The following DIP2C variants were observed in gnomAD, a reference collection of about 807,000 sequenced individuals.
DIP2C encodes disco-interacting protein 2 homolog C.
Under a neutral mutation model 192.4 loss-of-function variants are expected in DIP2C, and 33 were observed. The ratio of observed to expected loss-of-function variants is 0.17; its 90% confidence interval spans 0.13 to 0.23. The LOEUF is 0.23. Among genes scored for constraint, DIP2C ranks in the 10% least tolerant of loss-of-function variants. DIP2C has a pLI of 1.00. For synonymous variants in DIP2C, 979 were observed against 864.1 expected (o/e 1.13, Z -2.33); for missense variants, 1,537 against 2,110.1 (o/e 0.73, Z 5.32).
rs947740554 is a variant in DIP2C, at chr10:345,527, G to C, written c.3232-417C>G. ...GGAAACCCCACAAACACCCATCCCA[G>C]ACACACCGCGCATAGTTCTCCCGGA... On this transcript the variant is annotated intron_variant, in intron 26 of 36. Transcript: ENST00000280886. 8.5e-4 allele frequency among the ~76,000 whole-genome samples: 54 copies of C among 63,242 alleles called. 1 individual carries two copies. The highest frequency in any genetic ancestry group is 1.6e-3 in the Non-Finnish European group (48 of 29,932). The allele number at this position is 63,242 out of a possible 152,430, so 41.5% of individuals were successfully genotyped here.
At chr10:346,655 T>C (rs1418263486) in intron 26 of DIP2C, among the ~76,000 whole-genome samples, 271 of 57,798 alleles carry the variant, frequency 4.7e-3, no homozygotes, top group Non-Finnish European at 5.5e-3. Context: ...CCCAGACATA[T>C]CGCGTATAGT....
chr10:325,047 T>C (rs6560824), intron 31 of DIP2C: 23,599 of 485,494 alleles, frequency 0.049, 1,704 homozygotes, highest in African/African-American at 0.23. Flanking sequence ...AGGCGGATCA[T>C]GAGGTCAGGA....
intron 1 of DIP2C, among the ~76,000 whole-genome samples, chr10:609,311 G>A (rs1005251536): frequency 1.3e-5 from 2 of 152,202 alleles, no homozygotes; most frequent in East Asian, 3.8e-4. Context: ...GAAATTGGTT[G>A]AAGGCTGTTC....
At chr10:334,632 T>A (rs1330457810) in intron 29 of DIP2C, among the ~76,000 whole-genome samples, 1 of 152,244 alleles carries the variant, frequency 6.6e-6, no homozygotes, top group African/African-American at 2.4e-5. Context: ...AGGTTTAATC[T>A]TTTTTCCTTT....
At chr10:658,985 CACAT>C (rs908461436) in intron 1 of DIP2C, among the ~76,000 whole-genome samples, 1 of 152,096 alleles carries the variant, frequency 6.6e-6, no homozygotes, top group African/African-American at 2.4e-5. Flanking sequence ...TGCGCACACA[CACAT>C]ACATGCAATA....
chr10:537,236 A>G, intron 1 of DIP2C, among the ~76,000 whole-genome samples: 1 of 152,068 alleles, frequency 6.6e-6, no homozygotes. Context: ...AGGCCGTATG[A>G]AGGAGGCAGT....
At position 636,633 on chromosome 10, in the gene DIP2C, T is replaced by C. The variant is rs762185583; in HGVS notation, c.85+52861A>G. On this transcript the variant is annotated intron_variant, in intron 1 of 36. Coordinates refer to ENST00000280886, the MANE Select transcript of DIP2C (RefSeq NM_014974.3). This position sits in a 1 kb window ranked among gnomAD's most constrained non-coding sequence, Gnocchi z 4.6. The stretch of plus-strand genomic sequence containing the variant: ...TAAGCACAATTCTCCCGAAAACGTC[T>C]TTTCTATCTGGGCCACACACTGCGC... 3.3e-5 allele frequency among the ~76,000 whole-genome samples: 5 copies of C among 152,212 alleles called. No individual in the cohort carries two copies. The highest frequency in any genetic ancestry group is 1.3e-4 in the Admixed American group (2 of 15,288).
chr10:466,022 G>C (rs575622446), intron 3 of DIP2C, among the ~76,000 whole-genome samples: 2 of 151,900 alleles, frequency 1.3e-5, no homozygotes, highest in African/African-American at 2.4e-5. Flanking sequence ...TTTCTTCACA[G>C]AATTGGAAAA....
chr10:533,088 A>T (rs749839352), intron 1 of DIP2C, among the ~76,000 whole-genome samples: 4 of 152,136 alleles, frequency 2.6e-5, no homozygotes, highest in Non-Finnish European at 4.4e-5. Flanking sequence ...ATCCCAGCAC[A>T]CTCTCACAGC....
In DIP2C at chr10:508,835, G is replaced by T. The variant is rs531522957; in HGVS notation, c.86-22305C>A. 5.9e-5 allele frequency among the ~76,000 whole-genome samples: 9 copies of T among 152,274 alleles called. No homozygotes were observed. The South Asian group carries it at 1.0e-3, about 18-fold the overall frequency. ...TGGGAAGTTGTGTACTACTGATCAG[G>T]GCTGCATGACCCAAAAAAGGCATCA... is the stretch of plus-strand genomic sequence containing the variant. On this transcript the variant is annotated intron_variant, in intron 1 of 36. Coordinates refer to ENST00000280886, the MANE Select transcript of DIP2C (RefSeq NM_014974.3).
chr10:676,126 C>T (rs578218223), intron 1 of DIP2C, among the ~76,000 whole-genome samples: 1 of 152,152 alleles, frequency 6.6e-6, no homozygotes, highest in East Asian at 1.9e-4. Context: ...CCAATAAACA[C>T]GCTACATCAC....
In DIP2C at chr10:364,480, C is replaced by T. The variant is rs1329978252; in HGVS notation, c.2371G>A (p.Gly791Ser). 6.2e-7 allele frequency: 1 copy of T among 1,614,190 alleles called. No individual in the cohort carries two copies. ...VGPGGLVFVV[G>S]KMDGLMVVSG... ...ACCACCATGAGGCCATCCATCTTGCCCACCACGAAGACGAGGCCTCCGGGA... is the reference window on the plus strand; with the variant it reads ...ACCACCATGAGGCCATCCATCTTGCTCACCACGAAGACGAGGCCTCCGGGA... The change falls in exon 20 of 37, where the codon GGC (glycine) becomes AGC (serine). Residue 791 changes from glycine (G) to serine (S), a missense_variant. Gly to Ser is a moderately conservative substitution (Grantham distance 56). This residue lies in a region of DIP2C where 677 missense variants were observed against 989.9 expected (regional missense o/e 0.68). Coordinates refer to ENST00000280886, the MANE Select transcript of DIP2C (RefSeq NM_014974.3).
At chr10:351,886 G>A (rs1260266066) in intron 24 of DIP2C, among the ~76,000 whole-genome samples, 2 of 152,326 alleles carry the variant, frequency 1.3e-5, no homozygotes, top group African/African-American at 2.4e-5. Context: ...CGGCCAGGCT[G>A]GGTGCTGATG....
intron 3 of DIP2C, among the ~76,000 whole-genome samples, chr10:467,775 G>A (rs1970340884): frequency 6.6e-6 from 1 of 151,992 alleles, no homozygotes; most frequent in Non-Finnish European, 1.5e-5. Flanking sequence ...GACACAGGGA[G>A]GGGAACATCA....
chr10:358,252 T>C (rs1232162166), intron 22 of DIP2C, among the ~76,000 whole-genome samples: 1 of 151,550 alleles, frequency 6.6e-6, no homozygotes, highest in Non-Finnish European at 1.5e-5. Context: ...TTGTAAAAAA[T>C]AAAACGGAAG....
At position 382,479 on chromosome 10, in the gene DIP2C, A is replaced by C. The variant is rs1363699517; in HGVS notation, c.1991+168T>G. The C allele has an allele frequency of 5.1e-6, 3 of 588,426 alleles. No individual in the cohort carries two copies. The African/African-American group carries it at 5.6e-5, about 11-fold the overall frequency. The allele number at this position is 588,426 out of a possible 1,614,324, so 36.5% of individuals were successfully genotyped here. A position where few individuals can be genotyped will look rare whatever the true frequency, so the allele number is the denominator to read the frequency against. The stretch of plus-strand genomic sequence containing the variant: ...TTTAATGAATGAATCTAGGCTGTTC[A>C]AAAGAATCTGTTCCAGCACATAAAA... On this transcript the variant is annotated intron_variant, in intron 17 of 36. Coordinates refer to ENST00000280886, the MANE Select transcript of DIP2C (RefSeq NM_014974.3).
chr10:547,593 C>T (rs1430235470), intron 1 of DIP2C, among the ~76,000 whole-genome samples: 1 of 152,130 alleles, frequency 6.6e-6, no homozygotes, highest in Non-Finnish European at 1.5e-5. Flanking sequence ...CAGTCTCTGT[C>T]ATGAGCTTTA....
chr10:647,897 G>A (rs1217843948), intron 1 of DIP2C, among the ~76,000 whole-genome samples: 1 of 151,246 alleles, frequency 6.6e-6, no homozygotes, highest in Non-Finnish European at 1.5e-5. Flanking sequence ...ACATTGGATG[G>A]TGGGAGAGAA....
intron 1 of DIP2C, among the ~76,000 whole-genome samples, chr10:515,399 G>A (rs1231451119): frequency 1.3e-5 from 2 of 152,124 alleles, no homozygotes; most frequent in African/African-American, 2.4e-5. Context: ...ACATAGACTG[G>A]CTTTTGGTTC....
Sources: gnomAD v4.1 joint callset for allele counts (sites outside exome capture counted in the v4.1 genomes callset) on GRCh38, gnomAD v4.1.1 for gene constraint, gnomAD v4.1.1 regional missense constraint, Gnocchi (gnomAD v3.1) non-coding constraint, MANE v1.5 for transcripts, NCBI Gene and HGNC (gene_info 2026-07-23, HGNC 2026-07-21) for gene names.